Variants in KDM2B observed in about 807,000 individuals in gnomAD.
KDM2B encodes the protein lysine-specific demethylase 2B.
In KDM2B, 26 loss-of-function variants were observed where a neutral mutation model predicts 150.0. The ratio of observed to expected loss-of-function variants is 0.17; its 90% CI spans 0.13 to 0.24. The LOEUF (loss-of-function observed/expected upper bound fraction) is 0.24. KDM2B is among the 10% of genes least tolerant of loss of function. The pLI, the probability that KDM2B is intolerant of heterozygous loss-of-function variation, is 1.00. For missense variants in KDM2B, 1,265 were observed against 1,816.9 expected (o/e 0.70, Z 5.52); for synonymous variants, 734 against 729.5 (o/e 1.01, Z -0.10).
chr12:121,486,248 A>G (rs1353283420), intron 12 of KDM2B, among the ~76,000 whole-genome samples: 1 of 150,100 alleles, frequency 6.7e-6, no homozygotes, highest in African/African-American at 2.5e-5. Context: ...AGCTGGGATT[A>G]CAGGTGCCCA....
At chr12:121,548,691 C>T (rs1555311179) in intron 6 of KDM2B, among the ~76,000 whole-genome samples, 186 bp downstream of exon 6, 1 of 152,212 alleles carries the variant, frequency 6.6e-6, no homozygotes, top group East Asian at 1.9e-4. Flanking sequence ...CCAACCTGCA[C>T]ACGCGAAGGA....
chr12:121,555,739 C>CA (rs1889840776), intron 4 of KDM2B, among the ~76,000 whole-genome samples: 1 of 152,086 alleles, frequency 6.6e-6, no homozygotes, highest in Non-Finnish European at 1.5e-5. Flanking sequence ...CCCCAAATCT[C>CA]AAATCTCATG....
chr12:121,441,316 C>G, intron 19 of KDM2B, 83 bp from the exon 20 acceptor site: 1 of 1,341,798 alleles, frequency 7.5e-7, no homozygotes, highest in Non-Finnish European at 1.0e-6. Context: ...CTGTCCCCAC[C>G]TAACAACCTC....
At chr12:121,491,617 A>G (rs1157535906) in intron 12 of KDM2B, among the ~76,000 whole-genome samples, 4 of 151,306 alleles carry the variant, frequency 2.6e-5, no homozygotes, top group African/African-American at 4.9e-5. Flanking sequence ...ACATGGTGAA[A>G]CCCCGTCTCT....
At position 121,536,843 on chromosome 12, in the gene KDM2B, C is replaced by T. The variant is rs1888155575; in HGVS notation, c.684-2253G>A. 3.3e-5 allele frequency among the ~76,000 whole-genome samples: 5 copies of T among 152,136 alleles called. No homozygotes were observed. In the South Asian group the frequency reaches 1.0e-3, roughly 31 times the overall value. On this transcript the variant is annotated intron_variant, in intron 6 of 22. Transcript: ENST00000377071. ...GCAGAGAGGAGAGGACAGGAGCTCG[C>T]CTCTTGGGCTGCGGGCCCCAGGGCT... is the stretch of plus-strand genomic sequence containing the variant.
At chr12:121,517,281 C>T (rs1190778366) in intron 9 of KDM2B, among the ~76,000 whole-genome samples, 1 of 152,064 alleles carries the variant, frequency 6.6e-6, no homozygotes, top group East Asian at 1.9e-4. Flanking sequence ...TGGAAATCCA[C>T]CATTCCCCAA....
At chr12:121,546,857 C>G (rs1042011856) in intron 6 of KDM2B, among the ~76,000 whole-genome samples, 1 of 151,912 alleles carries the variant, frequency 6.6e-6, no homozygotes, top group Non-Finnish European at 1.5e-5. Context: ...ACCACCACAC[C>G]TGGCTAATTT....
At chr12:121,522,683 A>G (rs1461439276) in intron 8 of KDM2B, among the ~76,000 whole-genome samples, 6 of 151,902 alleles carry the variant, frequency 3.9e-5, no homozygotes, top group Non-Finnish European at 7.4e-5. Context: ...CCCCGTCTCC[A>G]CTAAAAATAC....
At chr12:121,546,071 T>G (rs1889015319) in intron 6 of KDM2B, among the ~76,000 whole-genome samples, 1 of 152,184 alleles carries the variant, frequency 6.6e-6, no homozygotes, top group Non-Finnish European at 1.5e-5. Context: ...TCATCGCAGC[T>G]GCAAGTTCCC....
chr12:121,481,145 G>A (rs1555297806), intron 12 of KDM2B, among the ~76,000 whole-genome samples: 1 of 151,850 alleles, frequency 6.6e-6, no homozygotes, highest in African/African-American at 2.4e-5. Context: ...TGGTCAGGCT[G>A]GTCTCCAATT....
At chr12:121,447,342 G>A (rs2138435547) in intron 13 of KDM2B, among the ~76,000 whole-genome samples, 1 of 151,906 alleles carries the variant, frequency 6.6e-6, no homozygotes, top group East Asian at 1.9e-4. Flanking sequence ...TCTGCCTCCT[G>A]GGTTCAAGCG....
chr12:121,549,334 G>T lies in KDM2B; in HGVS notation c.576+126C>A. The T allele has an allele frequency of 1.2e-6, 1 of 828,542 alleles. No individual in the cohort carries two copies. Among genetic ancestry groups the T allele is most frequent in the Non-Finnish European group, 1.9e-6 (1 of 530,882 alleles). The allele number at this position is 828,542 out of a possible 1,614,324, so 51.3% of individuals were successfully genotyped here. On this transcript the variant is annotated intron_variant, in intron 5 of 22. Coordinates refer to ENST00000377071, the MANE Select transcript of KDM2B (RefSeq NM_032590.5). This position sits in a 1 kb window ranked among gnomAD's most constrained non-coding sequence, Gnocchi z 4.4. ...CGTTACCAACCTTAGTCACCCCTAT[G>T]CCTGCCAAGCCCAGCCAGCCACACC... is the stretch of plus-strand genomic sequence containing the variant.
At chr12:121,560,030 C>T (rs906929373) in intron 4 of KDM2B, among the ~76,000 whole-genome samples, 1 of 151,938 alleles carries the variant, frequency 6.6e-6, no homozygotes, top group African/African-American at 2.4e-5. Flanking sequence ...ATTTAGGAGA[C>T]GTCTCGCTCT....
chr12:121,535,799 C>T (rs1289013353), intron 6 of KDM2B, among the ~76,000 whole-genome samples: 2 of 152,130 alleles, frequency 1.3e-5, no homozygotes, highest in Non-Finnish European at 2.9e-5. Flanking sequence ...CCTCCTCCCT[C>T]AACTGCTGCC....
chr12:121,415,930 T>C, the KDM2B span, among the ~76,000 whole-genome samples: 7 of 151,666 alleles, frequency 4.6e-5, no homozygotes, highest in East Asian at 5.8e-4. Flanking sequence ...ATTTGGATCA[T>C]GTTCTCTTTT....
intron 8 of KDM2B, among the ~76,000 whole-genome samples, chr12:121,524,217 T>C (rs1886936451): frequency 6.6e-6 from 1 of 152,122 alleles, no homozygotes. Context: ...CCCTCCCTTC[T>C]GGGGAACTTG....
At chr12:121,574,669 A>G in intron 3 of KDM2B, 76 bp from the exon 4 acceptor site, 1 of 1,368,230 alleles carries the variant, frequency 7.3e-7, no homozygotes. Context: ...CCCGGGGGGA[A>G]GCCATTTTTC....
At chr12:121,554,042 C>T (rs1555312244) in intron 4 of KDM2B, among the ~76,000 whole-genome samples, 1 of 127,050 alleles carries the variant, frequency 7.9e-6, no homozygotes, top group African/African-American at 3.4e-5. Flanking sequence ...TCCACACACA[C>T]ACACACACAC....
chr12:121,410,688 G>C, the KDM2B span, among the ~76,000 whole-genome samples: 1 of 152,150 alleles, frequency 6.6e-6, no homozygotes, highest in Non-Finnish European at 1.5e-5. Flanking sequence ...ACTATAAGTG[G>C]ATTTGCCCTT....
Sources: allele counts gnomAD v4.1 joint callset (sites outside exome capture counted in the v4.1 genomes callset), GRCh38; gene constraint gnomAD v4.1.1; non-coding constraint Gnocchi (gnomAD v3.1); transcripts MANE v1.5; gene names NCBI Gene and HGNC (gene_info 2026-07-23, HGNC 2026-07-21).